HSD17B4: variants seen among roughly 807,000 people sequenced by gnomAD.
HSD17B4 encodes the protein hydroxysteroid 17-beta dehydrogenase 4, also known as peroxisomal multifunctional enzyme type 2.
Under a neutral mutation model 101.0 loss-of-function variants are expected in HSD17B4, and 70 were observed. The observed-to-expected ratio is 0.69, with a 90% confidence interval of 0.57 to 0.85. HSD17B4 has a LOEUF of 0.85. HSD17B4 is among the 40% of genes least tolerant of loss of function. The probability of loss-of-function intolerance (pLI) is 0.00; values close to 1 mark genes in which losing one functional copy is unlikely to be tolerated. For synonymous variants in HSD17B4, 347 were observed against 297.1 expected (o/e 1.17, Z -1.73); for missense variants, 984 against 892.4 (o/e 1.10, Z -1.31).
intron 2 of HSD17B4, among the ~76,000 whole-genome samples, chr5:119,457,390 C>G (rs1337077848): frequency 6.6e-6 from 1 of 152,200 alleles, no homozygotes; most frequent in African/African-American, 2.4e-5. Flanking sequence ...ACCAGGTTTT[C>G]TAAACAAGCC....
chr5:119,516,346 C>G (rs1196598851), intron 17 of HSD17B4, among the ~76,000 whole-genome samples: 1 of 152,032 alleles, frequency 6.6e-6, no homozygotes, highest in Admixed American at 6.5e-5. Flanking sequence ...AGAAATGCCT[C>G]TTTATTATAC....
intron 15 of HSD17B4, among the ~76,000 whole-genome samples, chr5:119,507,700 C>T (rs372742031): frequency 9.3e-5 from 14 of 151,170 alleles, no homozygotes; most frequent in Admixed American, 2.0e-4. Context: ...AGGAGAATGG[C>T]GTGAACCCTG....
At chr5:119,452,984 T>A (rs1219071659) in intron 1 of HSD17B4, among the ~76,000 whole-genome samples, 10 of 152,228 alleles carry the variant, frequency 6.6e-5, no homozygotes, top group African/African-American at 2.4e-4. Flanking sequence ...CTCTCTTAGA[T>A]CTTTGCCTAG....
chr5:119,497,606 A>G (rs1406826884), intron 12 of HSD17B4, among the ~76,000 whole-genome samples: 3 of 152,214 alleles, frequency 2.0e-5, no homozygotes, highest in Admixed American at 2.0e-4. Context: ...CCTAATGCCC[A>G]TAAGGCTTTA....
intron 22 of HSD17B4, chr5:119,535,740 C>T (rs542182898): frequency 3.5e-4 from 52 of 149,660 alleles, no homozygotes; most frequent in Admixed American, 1.1e-3. Context: ...TCAAATAATT[C>T]CTAAGTATTT....
chr5:119,503,310 A>G (rs1268197184), intron 14 of HSD17B4, among the ~76,000 whole-genome samples: 1 of 152,176 alleles, frequency 6.6e-6, no homozygotes, highest in Non-Finnish European at 1.5e-5. Context: ...TGTATACTCC[A>G]GAGTGATGAT....
intron 4 of HSD17B4, among the ~76,000 whole-genome samples, chr5:119,475,148 G>A (rs540259925): frequency 8.6e-5 from 13 of 151,918 alleles, no homozygotes; most frequent in African/African-American, 2.4e-4. Flanking sequence ...TTCACATATC[G>A]TCTGACAGGG....
chr5:119,535,230 T>C (rs188337851), intron 22 of HSD17B4, among the ~76,000 whole-genome samples: 41 of 151,960 alleles, frequency 2.7e-4, no homozygotes, highest in African/African-American at 7.9e-4. Context: ...CAAAGATCAA[T>C]ATCAGGAGAT....
At chr5:119,527,257 A>G (rs1374205728) in intron 20 of HSD17B4, 38 bp downstream of exon 20, 3 of 1,122,038 alleles carry the variant, frequency 2.7e-6, no homozygotes, top group Non-Finnish European at 4.1e-6. Context: ...CACATGCTTT[A>G]TCATTGTGTT....
At chr5:119,477,549 G>T in intron 7 of HSD17B4, 48 bp downstream of exon 7, 1 of 1,211,794 alleles carries the variant, frequency 8.3e-7, no homozygotes, top group South Asian at 1.2e-5. Context: ...GTTGTGTCTG[G>T]GGGTTCTTGT....
chr5:119,529,558 C>G (rs1753878734), intron 20 of HSD17B4, among the ~76,000 whole-genome samples: 1 of 151,026 alleles, frequency 6.6e-6, no homozygotes, highest in African/African-American at 2.4e-5. Flanking sequence ...CCACTTCCCC[C>G]CCAAAAAATG....
intron 16 of HSD17B4, 29 bp from the exon 17 acceptor site, chr5:119,514,952 A>C (rs758492404): frequency 8.1e-7 from 1 of 1,240,724 alleles, no homozygotes; most frequent in Non-Finnish European, 1.2e-6. Context: ...TTTGTATTTA[A>C]GATTTAACAT....
chr5:119,479,072 G>T, intron 8 of HSD17B4, 51 bp downstream of exon 8: 1 of 1,317,972 alleles, frequency 7.6e-7, no homozygotes, highest in Non-Finnish European at 1.1e-6. Flanking sequence ...AAACCTATGT[G>T]GAATGAGCTT....
At chr5:119,470,166 G>T (rs1298396728) in intron 2 of HSD17B4, among the ~76,000 whole-genome samples, 1 of 152,066 alleles carries the variant, frequency 6.6e-6, no homozygotes, top group Non-Finnish European at 1.5e-5. Context: ...CTTCCTGGTG[G>T]CAGCGTCCCC....
At chr5:119,500,543 A>G (rs1398775773) in intron 13 of HSD17B4, among the ~76,000 whole-genome samples, 2 of 152,076 alleles carry the variant, frequency 1.3e-5, no homozygotes, top group Non-Finnish European at 2.9e-5. Context: ...AAGTGGAAAT[A>G]TAAGATGGAC....
intron 2 of HSD17B4, among the ~76,000 whole-genome samples, chr5:119,459,123 C>G (rs1407514682): frequency 6.6e-6 from 1 of 152,186 alleles, no homozygotes; most frequent in East Asian, 1.9e-4. Context: ...CTTCCTGTGG[C>G]CTGATGCTAG....
At position 119,499,514 on chromosome 5, in the gene HSD17B4, A is replaced by T. The variant is rs1750962502; in HGVS notation, c.1170A>T (p.Gly390=). 1 of 1,613,360 alleles carries T rather than the reference A, an allele frequency of 6.2e-7. No individual in the cohort carries two copies. Among genetic ancestry groups the T allele is most frequent in the African/African-American group, 1.3e-5 (1 of 74,902 alleles). The part of the protein sequence containing the change: ...IIGQKSMMGG[G]LAEIPGLSIN... Reference sequence around the variant, plus strand: ...GTCAGAAATCTATGATGGGTGGAGGATTAGCAGAAATTCCTGGACTTTCAA... The same window carrying T: ...GTCAGAAATCTATGATGGGTGGAGGTTTAGCAGAAATTCCTGGACTTTCAA... Residue 390 remains glycine, a synonymous_variant, in exon 13 of 24, where the codon GGA becomes GGT. Coordinates refer to ENST00000510025, the MANE Select transcript of HSD17B4 (RefSeq NM_000414.4).
intron 2 of HSD17B4, among the ~76,000 whole-genome samples, chr5:119,459,763 G>T (rs1198909054): frequency 1.3e-5 from 2 of 151,966 alleles, no homozygotes; most frequent in East Asian, 1.9e-4. Flanking sequence ...TCACTCCCAT[G>T]ATAACCTGTT....
At chr5:119,473,247 TTTC>T (rs1262488953) in intron 2 of HSD17B4, among the ~76,000 whole-genome samples, 1 of 151,692 alleles carries the variant, frequency 6.6e-6, no homozygotes, top group Non-Finnish European at 1.5e-5. Flanking sequence ...CATTTTTTCT[TTTC>T]TTTTGCTGAA....
Sources: allele counts gnomAD v4.1 joint callset (sites outside exome capture counted in the v4.1 genomes callset), GRCh38; gene constraint gnomAD v4.1.1; transcripts MANE v1.5; gene names NCBI Gene and HGNC (gene_info 2026-07-23, HGNC 2026-07-21).